The following ZNF146 variants were observed in gnomAD, a reference collection of about 807,000 sequenced individuals.
ZNF146 encodes zinc finger protein OZF.
A neutral mutation model predicts 22.2 loss-of-function variants in ZNF146; 9 were observed. The ratio of observed to expected loss-of-function variants is 0.41; its 90% confidence interval spans 0.24 to 0.71. The LOEUF (loss-of-function observed/expected upper bound fraction) is 0.71. Among genes scored for constraint, ZNF146 ranks in the 30% least tolerant of loss-of-function variants. ZNF146 has a pLI of 0.34. For missense variants in ZNF146, 194 were observed against 344.8 expected (o/e 0.56, Z 3.46); for synonymous variants, 108 against 119.2 (o/e 0.91, Z 0.61).
chr19:36,234,073 G>T (rs567079703), intron 3 of ZNF146, among the ~76,000 whole-genome samples: 1 of 152,268 alleles, frequency 6.6e-6, no homozygotes, highest in East Asian at 1.9e-4. Flanking sequence ...TGAGATTAGG[G>T]AGTGGTGATG....
intron 2 of ZNF146, among the ~76,000 whole-genome samples, chr19:36,218,535 G>A (rs918147611): frequency 2.0e-5 from 3 of 151,268 alleles, no homozygotes; most frequent in Non-Finnish European, 2.9e-5. Flanking sequence ...GCCTGATCTC[G>A]GCTCACTGCA....
chr19:36,225,636 T>C (rs1340692651), intron 2 of ZNF146, among the ~76,000 whole-genome samples: 1 of 151,890 alleles, frequency 6.6e-6, no homozygotes, highest in Non-Finnish European at 1.5e-5. Flanking sequence ...TATTTTTTTT[T>C]AGTGCTAAGC....
chr19:36,221,513 C>T (rs1171018246), intron 2 of ZNF146, among the ~76,000 whole-genome samples: 1 of 151,938 alleles, frequency 6.6e-6, no homozygotes, highest in African/African-American at 2.4e-5. Flanking sequence ...TGATCTTGAT[C>T]TCCTGACCTC....
Position 36,236,895 on chromosome 19 carries a change from G to T in ZNF146, c.455G>T (p.Gly152Val). 6.2e-7 allele frequency: 1 copy of T among 1,614,120 alleles called. No individual in the cohort carries two copies. Among genetic ancestry groups the T allele is most frequent in the Non-Finnish European group, 8.5e-7 (1 of 1,180,006 alleles). The change falls in exon 4 of 4, where the codon GGA (glycine) becomes GTA (valine). Residue 152 changes from glycine to valine, a missense_variant. Transcript: ENST00000443387. ...NLTEHEKIHI[G>V]EKPFKCSECG... ...ACTGAGCATGAGAAAATCCATATTG[G>T]AGAGAAGCCTTTTAAATGTAGTGAA...
At chr19:36,222,599 G>T (rs1976894431) in intron 2 of ZNF146, among the ~76,000 whole-genome samples, 1 of 151,920 alleles carries the variant, frequency 6.6e-6, no homozygotes, top group Non-Finnish European at 1.5e-5. Context: ...TTCAGTGTAG[G>T]TTTCATTTAC....
chr19:36,219,143 T>C (rs1976735615), intron 2 of ZNF146, among the ~76,000 whole-genome samples: 1 of 152,104 alleles, frequency 6.6e-6, no homozygotes, highest in Non-Finnish European at 1.5e-5. Flanking sequence ...CTTTTTTAAC[T>C]GGAATCAGGA....
chr19:36,231,784 T>G (rs1171754028), intron 3 of ZNF146, among the ~76,000 whole-genome samples: 2 of 152,068 alleles, frequency 1.3e-5, no homozygotes, highest in African/African-American at 2.4e-5. Context: ...CACTAAGCTC[T>G]CTTTAATAGA....
At chr19:36,217,853 C>G (rs1398719383) in intron 1 of ZNF146, among the ~76,000 whole-genome samples, 1 of 151,138 alleles carries the variant, frequency 6.6e-6, no homozygotes, top group African/African-American at 2.4e-5. Flanking sequence ...CCATTGCACT[C>G]CAACCTGGGC....
In ZNF146 at chr19:36,237,827, A is replaced by C. The variant is rs1977700874; in HGVS notation, c.*508A>C. On this transcript the variant is annotated 3_prime_UTR_variant, in exon 4 of 4. Transcript: ENST00000443387. Reference sequence around the variant, plus strand: ...CAGGAAATGAGGAAATAATGGAACTATTTTTTTTAAGTGGAGGTAGTTTGT... The same window carrying C: ...CAGGAAATGAGGAAATAATGGAACTCTTTTTTTTAAGTGGAGGTAGTTTGT... 6.0e-6 allele frequency: 1 copy of C among 166,952 alleles called. No homozygotes were observed. The highest frequency in any genetic ancestry group is 6.6e-5 in the Admixed American group (1 of 15,248). 10.3% of individuals were successfully genotyped at this position (166,952 alleles called of 1,614,324 possible). A position where few individuals can be genotyped will look rare whatever the true frequency, so the allele number is the denominator to read the frequency against.
intron 1 of ZNF146, among the ~76,000 whole-genome samples, chr19:36,216,298 A>G (rs1976602729): frequency 6.6e-6 from 1 of 152,128 alleles, no homozygotes; most frequent in African/African-American, 2.4e-5. Context: ...AAATAAATAT[A>G]CCATGTGACA....
rs1977656270 is a variant in ZNF146, at chr19:36,236,663, A to C, written c.223A>C (p.Asn75His). 2 of 1,614,228 alleles carry C rather than the reference A, an allele frequency of 1.2e-6. No homozygotes were observed. The highest frequency in any genetic ancestry group is 2.7e-5 in the African/African-American group (2 of 75,062). ...TACTGGCGAGAAGCTTTTCGAATGT[A>C]ATGAATGTGGAAAATCATTTAGCCA... The part of the protein sequence containing the change: ...THTGEKLFEC[N>H]ECGKSFSQKE... Residue 75 changes from asparagine to histidine, a missense_variant, in exon 4 of 4, where the codon AAT (asparagine) becomes CAT (histidine). Asn to His is a moderately conservative substitution (Grantham distance 68). This residue lies in a region of ZNF146 where 147 missense variants were observed against 300.1 expected (regional missense o/e 0.49). Coordinates refer to ENST00000443387, the MANE Select transcript of ZNF146 (RefSeq NM_007145.3).
At chr19:36,219,063 C>T (rs1258550516) in intron 2 of ZNF146, among the ~76,000 whole-genome samples, 2 of 152,050 alleles carry the variant, frequency 1.3e-5, no homozygotes, top group Non-Finnish European at 2.9e-5. Context: ...CCACCTCGGC[C>T]TCCCAAAGTG....
At chr19:36,217,062 T>TTTTTTC (rs1976641520) in intron 1 of ZNF146, among the ~76,000 whole-genome samples, 2 of 131,262 alleles carry the variant, frequency 1.5e-5, no homozygotes, top group African/African-American at 5.7e-5. Context: ...TGTCTTTTTT[T>TTTTTTC]TTTTTTTTTT....
chr19:36,221,927 CTTTTTTT>C (rs60347994), intron 2 of ZNF146, among the ~76,000 whole-genome samples: 123 of 109,886 alleles, frequency 1.1e-3, no homozygotes, highest in Admixed American at 4.9e-3. Context: ...TTTTTTCTTT[CTTTTTTT>C]TTTTTTTTTT....
intron 3 of ZNF146, among the ~76,000 whole-genome samples, chr19:36,232,504 C>T (rs1263576833): frequency 6.6e-6 from 1 of 151,960 alleles, no homozygotes; most frequent in African/African-American, 2.4e-5. Flanking sequence ...AAAGGAAGGT[C>T]CATGTTTTAT....
At chr19:36,228,457 A>T (rs892023020) in intron 2 of ZNF146, 1 of 152,238 alleles carries the variant, frequency 6.6e-6, no homozygotes, top group Non-Finnish European at 1.5e-5. Flanking sequence ...TGTAAGTAAA[A>T]TTCTGAAAGG....
At chr19:36,230,565 G>A (rs10414754) in intron 3 of ZNF146, among the ~76,000 whole-genome samples, 5,996 of 152,256 alleles carry the variant, frequency 0.039, 365 homozygotes, top group African/African-American at 0.14. Context: ...GAGTGCGAGA[G>A]TGGGCGTGCA....
At chr19:36,223,611 C>T (rs1303153878) in intron 2 of ZNF146, among the ~76,000 whole-genome samples, 1 of 152,064 alleles carries the variant, frequency 6.6e-6, no homozygotes, top group Non-Finnish European at 1.5e-5. Context: ...GATCCGCCCG[C>T]CTCGGCCCTC....
rs543771801 is a variant in ZNF146 at position 36,236,916 on chromosome 19, G to A, written c.476G>A (p.Ser159Asn). 207 of 1,614,078 alleles carry A rather than the reference G, an allele frequency of 1.3e-4. 3 individuals are homozygous for A. The South Asian group carries it at 2.0e-3, about 15-fold the overall frequency. Residue 159 changes from serine (S) to asparagine (N), a missense_variant, in exon 4 of 4, where the codon AGT becomes AAT. Around this residue, in one of 2 missense-constraint regions of ZNF146, gnomAD observed 147 missense variants for 300.1 expected, o/e 0.49. Coordinates refer to ENST00000443387, the MANE Select transcript of ZNF146 (RefSeq NM_007145.3). ...IHIGEKPFKC[S>N]ECGTAFGQKK... ...ATTGGAGAGAAGCCTTTTAAATGTA[G>A]TGAATGTGGAACAGCCTTTGGCCAG...
Sources: gnomAD v4.1 joint callset for allele counts (sites outside exome capture counted in the v4.1 genomes callset) on GRCh38, gnomAD v4.1.1 for gene constraint, gnomAD v4.1.1 regional missense constraint, MANE v1.5 for transcripts, NCBI Gene and HGNC (gene_info 2026-07-23, HGNC 2026-07-21) for gene names.